The following RIGI variants were observed in gnomAD, a reference collection of about 807,000 sequenced individuals.
The protein encoded by RIGI is RNA sensor RIG-I.
chr9:32,493,340 T>C, the RIGI span, among the ~76,000 whole-genome samples: 1 of 152,122 alleles, frequency 6.6e-6, no homozygotes, highest in Non-Finnish European at 1.5e-5. Context: ...AAAAGTACTA[T>C]TCTGGCTGAG....
At chr9:32,457,400 G>A in the RIGI span, 2 of 1,612,692 alleles carry the variant, frequency 1.2e-6, no homozygotes, top group Non-Finnish European at 1.7e-6. Flanking sequence ...GCATCTCCAA[G>A]CACAGTGTAA....
the RIGI span, among the ~76,000 whole-genome samples, chr9:32,505,000 A>AT: frequency 0.13 from 17,398 of 130,158 alleles, 1,609 homozygotes; most frequent in Middle Eastern, 0.28. Context: ...TTTATATATA[A>AT]TATATATGTT....
the RIGI span, chr9:32,488,136 T>C: frequency 1.2e-6 from 2 of 1,614,168 alleles, no homozygotes; most frequent in South Asian, 2.2e-5. Flanking sequence ...ATGATGTCAT[T>C]GTTCTCAACA....
chr9:32,458,465 G>C, the RIGI span, among the ~76,000 whole-genome samples: 3 of 152,234 alleles, frequency 2.0e-5, no homozygotes, highest in East Asian at 5.8e-4. Flanking sequence ...AGCAAGGTAG[G>C]TTTTTTGACT....
the RIGI span, among the ~76,000 whole-genome samples, chr9:32,472,652 T>G: frequency 6.6e-6 from 1 of 152,118 alleles, no homozygotes; most frequent in African/African-American, 2.4e-5. Flanking sequence ...TTCCTGATAG[T>G]CTCTTCCTGA....
the RIGI span, among the ~76,000 whole-genome samples, chr9:32,524,596 GTTTTTTTTTTTTTTTTT>G: frequency 1.5e-5 from 1 of 67,580 alleles, no homozygotes; most frequent in African/African-American, 5.9e-5. Flanking sequence ...TTGTTTTTCG[GTTTTTTTTTTTTTTTTT>G]TTTTTTTTTT....
chr9:32,480,074 G>T, the RIGI span: 1 of 779,118 alleles, frequency 1.3e-6, no homozygotes, highest in Admixed American at 2.8e-5. Context: ...AAGCTAAATA[G>T]TCCTACCATC....
chr9:32,508,239 A>ATTTTTTTTTTTTTTTTTTTTTTTTTT, the RIGI span, among the ~76,000 whole-genome samples: 434 of 70,308 alleles, frequency 6.2e-3, 111 homozygotes, highest in South Asian at 0.011. Flanking sequence ...TATTTACTTA[A>ATTTTTTTTTTTTTTTTTTTTTTTTTT]TTTTTTTTTT....
chr9:32,479,730 G>GAGT, the RIGI span, among the ~76,000 whole-genome samples: 2 of 151,576 alleles, frequency 1.3e-5, no homozygotes, highest in Admixed American at 1.3e-4. Context: ...CTGGCTACTC[G>GAGT]GGAGGCTGAG....
the RIGI span, among the ~76,000 whole-genome samples, chr9:32,491,925 A>C: frequency 6.6e-6 from 1 of 152,218 alleles, no homozygotes; most frequent in African/African-American, 2.4e-5. Context: ...TCAAGAAACC[A>C]AATGATAGTT....
At chr9:32,475,575 T>C in the RIGI span, among the ~76,000 whole-genome samples, 11 of 151,312 alleles carry the variant, frequency 7.3e-5, no homozygotes, top group African/African-American at 2.2e-4. Flanking sequence ...CTTGTCAACA[T>C]AGAGAACTGG....
chr9:32,461,397 AT>A, the RIGI span, among the ~76,000 whole-genome samples: 1 of 152,226 alleles, frequency 6.6e-6, no homozygotes, highest in African/African-American at 2.4e-5. Flanking sequence ...TCTATGGAAG[AT>A]TCTGTCCGTC....
At chr9:32,476,706 C>A in the RIGI span, among the ~76,000 whole-genome samples, 1 of 149,962 alleles carries the variant, frequency 6.7e-6, no homozygotes, top group Non-Finnish European at 1.5e-5. Context: ...GTGCAGAGTA[C>A]GCTGTCATGA....
the RIGI span, chr9:32,493,645 A>G: frequency 3.9e-5 from 26 of 671,192 alleles, no homozygotes; most frequent in Admixed American, 6.7e-4. Flanking sequence ...GTACTATTCT[A>G]TGAGTACTTT....
At chr9:32,507,339 AT>A in the RIGI span, among the ~76,000 whole-genome samples, 1 of 152,310 alleles carries the variant, frequency 6.6e-6, no homozygotes, top group South Asian at 2.1e-4. Context: ...AGAAGGATAT[AT>A]TTGCTATATG....
chr9:32,521,299 A>G, the RIGI span, among the ~76,000 whole-genome samples: 1 of 152,176 alleles, frequency 6.6e-6, no homozygotes, highest in Non-Finnish European at 1.5e-5. Flanking sequence ...ATGTTTGTAT[A>G]ATATTGACAT....
the RIGI span, among the ~76,000 whole-genome samples, chr9:32,509,413 A>G: frequency 6.6e-6 from 1 of 152,212 alleles, no homozygotes; most frequent in Non-Finnish European, 1.5e-5. Context: ...AACAGGCAGC[A>G]ATCTTTGCTG....
chr9:32,508,725 G>A, the RIGI span, among the ~76,000 whole-genome samples: 1 of 151,850 alleles, frequency 6.6e-6, no homozygotes, highest in African/African-American at 2.4e-5. Flanking sequence ...ATACCTCAGT[G>A]ACACCTGGAA....
the RIGI span, chr9:32,477,097 A>T: frequency 6.2e-7 from 1 of 1,614,066 alleles, no homozygotes; most frequent in Non-Finnish European, 8.5e-7. Flanking sequence ...CATTGCTGGG[A>T]TCCCTGGAAA....
Sources: gnomAD v4.1 joint callset for allele counts (sites outside exome capture counted in the v4.1 genomes callset) on GRCh38, gnomAD v4.1.1 for gene constraint, MANE v1.5 for transcripts, NCBI Gene and HGNC (gene_info 2026-07-23, HGNC 2026-07-21) for gene names.